CDHR3: variants seen among roughly 807,000 people sequenced by gnomAD.
CDHR3 encodes cadherin-related family member 3.
Under a neutral mutation model 86.6 loss-of-function variants are expected in CDHR3, and 79 were observed. The observed-to-expected ratio is 0.91, with a 90% confidence interval of 0.76 to 1.10. The LOEUF is 1.10. CDHR3 is among the 50% of genes least tolerant of loss of function. The probability of loss-of-function intolerance (pLI) is 0.00; values close to 1 mark genes in which losing one functional copy is unlikely to be tolerated. For synonymous variants in CDHR3, 421 were observed against 402.4 expected, an observed-to-expected ratio of 1.05 and a Z score of -0.55; for missense variants, 1,081 against 1,077.6, an observed-to-expected ratio of 1.00 and a Z score of -0.04.
At chr7:105,978,125 A>G (rs1009907506) in intron 2 of CDHR3, among the ~76,000 whole-genome samples, 3 of 152,174 alleles carry the variant, frequency 2.0e-5, no homozygotes, top group Non-Finnish European at 4.4e-5. Context: ...GAGATTTGCA[A>G]TCAGGTAGGC....
At chr7:106,027,606 G>GTC (rs1837557391) in intron 16 of CDHR3, 1 of 445,688 alleles carries the variant, frequency 2.2e-6, no homozygotes, top group Non-Finnish European at 4.5e-6. Flanking sequence ...TTGGCCTCAA[G>GTC]TAGACTCCAG....
chr7:106,020,532 T>A lies in CDHR3; in HGVS notation c.1813T>A (p.Ser605Thr), dbSNP rs368624324. ...LDSSPRSFRY[S>T]IGPGNVNNHF... ...TTCCAGCCCCAGATCTTTCCGTTATTCCATTGGCCCAGGTATAGTACTTGG... is the reference window on the plus strand; with the variant it reads ...TTCCAGCCCCAGATCTTTCCGTTATACCATTGGCCCAGGTATAGTACTTGG... The change falls in exon 13 of 19, where the codon TCC becomes ACC. Residue 605 changes from serine to threonine, a missense_variant. By Grantham distance (58) the Ser-to-Thr change is moderately conservative. Transcript: ENST00000317716. The A allele has an allele frequency of 3.6e-5, 58 of 1,613,630 alleles. No homozygotes were observed. Among genetic ancestry groups the A allele is most frequent in the Non-Finnish European group, 4.7e-5 (56 of 1,179,648 alleles).
chr7:106,019,142 G>A (rs1434801488), intron 12 of CDHR3, among the ~76,000 whole-genome samples: 1 of 152,218 alleles, frequency 6.6e-6, no homozygotes, highest in African/African-American at 2.4e-5. Flanking sequence ...TTGGTTCAGA[G>A]TCAGGAGACC....
intron 8 of CDHR3, among the ~76,000 whole-genome samples, chr7:106,006,369 T>C (rs1428206809): frequency 6.6e-6 from 1 of 152,210 alleles, no homozygotes; most frequent in Non-Finnish European, 1.5e-5. Context: ...TCTTTACTCA[T>C]TTCAGCATTA....
chr7:106,022,768 G>A (rs562565777), intron 14 of CDHR3, among the ~76,000 whole-genome samples: 2 of 152,212 alleles, frequency 1.3e-5, no homozygotes, highest in South Asian at 4.1e-4. Context: ...GATTTCCATG[G>A]GCATGCTGCC....
intron 14 of CDHR3, among the ~76,000 whole-genome samples, chr7:106,022,702 A>G (rs1226635500): frequency 6.6e-6 from 1 of 152,176 alleles, no homozygotes; most frequent in Non-Finnish European, 1.5e-5. Context: ...TTGTTTGTGC[A>G]GAGACTTGTG....
Position 106,028,572 on chromosome 7 carries a change from ACGT to A in CDHR3, c.2298_2300del (p.Val768del), listed in dbSNP as rs1268242926. 6.2e-7 allele frequency: 1 copy of A among 1,613,894 alleles called. No individual in the cohort carries two copies. Among genetic ancestry groups the A allele is most frequent in the East Asian group, 2.2e-5 (1 of 44,878 alleles). On this transcript the variant is annotated inframe_deletion, in exon 17 of 19. Coordinates refer to ENST00000317716, the MANE Select transcript of CDHR3 (RefSeq NM_152750.5). ...GCAGAAACGAAGACTGCAGAGAGAGACGTCGTGGTGGTGAGTATGGGCAGTGTG... is the reference window on the plus strand; with the variant it reads ...GCAGAAACGAAGACTGCAGAGAGAGACGTGGTGGTGAGTATGGGCAGTGTG...
At chr7:105,972,812 G>T (rs150937820) in intron 1 of CDHR3, among the ~76,000 whole-genome samples, 101 of 152,254 alleles carry the variant, frequency 6.6e-4, no homozygotes, top group African/African-American at 2.3e-3. Flanking sequence ...TCCTTGCACA[G>T]TCCTTGTCCA....
intron 16 of CDHR3, chr7:106,028,284 G>T (rs1837684917): frequency 2.2e-6 from 1 of 448,762 alleles, no homozygotes; most frequent in Non-Finnish European, 4.0e-6. Context: ...AGTTTTCTAG[G>T]TCCACTGATA....
chr7:105,976,768 T>TG (rs1452846107), intron 2 of CDHR3, among the ~76,000 whole-genome samples: 1 of 152,350 alleles, frequency 6.6e-6, no homozygotes, highest in Non-Finnish European at 1.5e-5. Context: ...TCACCCATGT[T>TG]GTAGCCTGGA....
At position 105,980,958 on chromosome 7, in the gene CDHR3, T is replaced by G; in HGVS notation, c.250-10T>G. On this transcript the variant is annotated splice_polypyrimidine_tract_variant and intron_variant, in intron 2 of 18. Transcript: ENST00000317716. ...CACATGGTTACTAAGAATTTTGCAT[T>G]TTGTTTTAGGTTGTCACCACTGGGA... The G allele has an allele frequency of 1.9e-6, 3 of 1,597,116 alleles. No homozygotes were observed. Among genetic ancestry groups the G allele is most frequent in the Non-Finnish European group, 2.6e-6 (3 of 1,171,288 alleles).
intron 2 of CDHR3, among the ~76,000 whole-genome samples, chr7:105,976,761 C>T (rs1828874360): frequency 6.6e-6 from 1 of 152,168 alleles, no homozygotes; most frequent in Non-Finnish European, 1.5e-5. Flanking sequence ...CCAAGGGTCA[C>T]CCATGTTGTA....
chr7:106,024,648 T>A, intron 15 of CDHR3, 86 bp downstream of exon 15: 1 of 1,364,588 alleles, frequency 7.3e-7, no homozygotes, highest in Non-Finnish European at 1.0e-6. Flanking sequence ...AAATGGAGAA[T>A]CAGGATTTCT....
intron 13 of CDHR3, among the ~76,000 whole-genome samples, chr7:106,021,877 C>A (rs1836625636): frequency 6.6e-6 from 1 of 152,194 alleles, no homozygotes; most frequent in Non-Finnish European, 1.5e-5. Flanking sequence ...TCAGAAGGGG[C>A]TGCACCAGGG....
At chr7:105,997,713 G>A (rs1228074449) in intron 6 of CDHR3, among the ~76,000 whole-genome samples, 3 of 152,102 alleles carry the variant, frequency 2.0e-5, no homozygotes, top group Non-Finnish European at 2.9e-5. Context: ...TTTCAAAGGG[G>A]AAAATAATAA....
chr7:105,969,292 G>C (rs1242281174), intron 1 of CDHR3, among the ~76,000 whole-genome samples: 2 of 149,662 alleles, frequency 1.3e-5, no homozygotes, highest in Non-Finnish European at 1.5e-5. Flanking sequence ...CCAGCTACTC[G>C]GGAGGCTGAG....
chr7:106,022,520 G>C, intron 14 of CDHR3, 72 bp downstream of exon 14: 2 of 1,563,178 alleles, frequency 1.3e-6, no homozygotes, highest in Non-Finnish European at 1.7e-6. Context: ...TCTTTCCCCG[G>C]CCTGGAGGTA....
intron 6 of CDHR3, among the ~76,000 whole-genome samples, chr7:106,000,153 G>T (rs913723688): frequency 1.3e-5 from 2 of 152,244 alleles, no homozygotes; most frequent in African/African-American, 4.8e-5. Context: ...CTGAGAAGGG[G>T]ATATGTCAAG....
Position 106,027,166 on chromosome 7 carries a change from G to A in CDHR3, c.2272+471G>A, listed in dbSNP as rs184002927. ...AATCCCAGCACTTTGAGAGGACGAGGTGGGTGGATCACAAGGTCAGGAGTT... is the reference window on the plus strand; with the variant it reads ...AATCCCAGCACTTTGAGAGGACGAGATGGGTGGATCACAAGGTCAGGAGTT... On this transcript the variant is annotated intron_variant, in intron 16 of 18. Coordinates refer to ENST00000317716, the MANE Select transcript of CDHR3 (RefSeq NM_152750.5). Among the ~76,000 whole-genome samples the A allele has an allele frequency of 5.9e-5, 9 of 152,266 alleles. No individual in the cohort carries two copies. In the East Asian group the frequency reaches 1.7e-3, roughly 29 times the overall value.
Sources: allele counts gnomAD v4.1 joint callset (sites outside exome capture counted in the v4.1 genomes callset), GRCh38; gene constraint gnomAD v4.1.1; transcripts MANE v1.5; gene names NCBI Gene and HGNC (gene_info 2026-07-23, HGNC 2026-07-21).